Variants in OR51B5 observed in about 807,000 individuals in gnomAD.
The protein encoded by OR51B5 is olfactory receptor 51B5.
For missense variants in OR51B5, 456 were observed against 374.6 expected, an observed-to-expected ratio of 1.22 and a Z score of -1.79; for synonymous variants, 186 against 144.8, an observed-to-expected ratio of 1.28 and a Z score of -2.04.
chr11:5,340,372 T>C (rs768124384), downstream of OR51B5: 1 of 152,114 alleles, frequency 6.6e-6, no homozygotes, highest in African/African-American at 2.4e-5. Context: ...TATAATTTAC[T>C]CTAAATATTT....
At position 5,343,193 on chromosome 11, in the gene OR51B5, CCA is replaced by C. The variant is rs763380951; in HGVS notation, c.330_331del (p.Gly111HisfsTer8). 1.4e-4 allele frequency: 224 copies of C among 1,613,562 alleles called. 1 individual carries two copies. Among genetic ancestry groups the C allele is most frequent in the Non-Finnish European group, 1.8e-4 (211 of 1,179,908 alleles). ...GTCATAGGCCATGGCAAGCAGAATG[CCA>C]GACTCGAGAAAGGAAAGTGAGTGTA... On this transcript the variant is annotated frameshift_variant, in exon 1 of 1. Coordinates refer to ENST00000300773, the Ensembl canonical transcript of OR51B5. LOFTEE classifies it low-confidence loss of function (END_TRUNC).
intron 1 of OR51B5, among the ~76,000 whole-genome samples, chr11:5,356,301 A>G (rs1184712820): frequency 6.6e-6 from 1 of 152,030 alleles, no homozygotes; most frequent in Non-Finnish European, 1.5e-5. Flanking sequence ...GGAGCTGAAA[A>G]CCAAGGCATG....
intron 1 of OR51B5, among the ~76,000 whole-genome samples, chr11:5,359,874 A>T (rs1405022501): frequency 1.3e-5 from 2 of 152,192 alleles, no homozygotes; most frequent in Non-Finnish European, 2.9e-5. Flanking sequence ...GACAAACCTG[A>T]CAAAAAAAAC....
chr11:5,443,638 G>T (rs1424488023), intron 1 of OR51B5, among the ~76,000 whole-genome samples: 1 of 151,922 alleles, frequency 6.6e-6, no homozygotes, highest in Non-Finnish European at 1.5e-5. Flanking sequence ...TGCAAATTGA[G>T]GTAGTCTAGA....
chr11:5,403,099 C>A, intron 1 of OR51B5: 1 of 471,576 alleles, frequency 2.1e-6, no homozygotes, highest in Non-Finnish European at 4.4e-6. Flanking sequence ...TCTCTTATGG[C>A]GTCTGCCCTT....
intron 1 of OR51B5, among the ~76,000 whole-genome samples, chr11:5,470,090 A>T (rs1320488431): frequency 6.6e-6 from 1 of 152,186 alleles, no homozygotes; most frequent in Admixed American, 6.5e-5. Context: ...AGATTCTCAA[A>T]TTGTGCTGTA....
intron 1 of OR51B5, chr11:5,454,052 C>G: frequency 6.2e-7 from 1 of 1,614,096 alleles, no homozygotes; most frequent in Non-Finnish European, 8.5e-7. Context: ...TGAGGCTTGC[C>G]TGTGCTGATA....
At chr11:5,391,221 G>A (rs1159633025) in intron 1 of OR51B5, 26 of 152,170 alleles carry the variant, frequency 1.7e-4, no homozygotes, top group Admixed American at 1.7e-3. Context: ...CTGTCCCTAC[G>A]AGTGACTAAA....
intron 1 of OR51B5, chr11:5,352,079 C>A (rs115333544): frequency 0.062 from 100,378 of 1,613,434 alleles, 3,593 homozygotes; most frequent in South Asian, 0.1. Flanking sequence ...GCTGACATCA[C>A]CTTCAACCGT....
chr11:5,454,304 A>G, intron 1 of OR51B5: 1 of 1,614,148 alleles, frequency 6.2e-7, no homozygotes, highest in Non-Finnish European at 8.5e-7. Context: ...CATGCTACAT[A>G]CATGTCCTCA....
chr11:5,460,390 A>G (rs1048596624), intron 1 of OR51B5, among the ~76,000 whole-genome samples: 1 of 152,234 alleles, frequency 6.6e-6, no homozygotes, highest in African/African-American at 2.4e-5. Context: ...CTTGAACGTA[A>G]AAGTTTTGAA....
At chr11:5,342,839 C>G in exon 1 of OR51B5, 1 of 1,613,254 alleles carries the variant, frequency 6.2e-7, no homozygotes, top group Non-Finnish European at 8.5e-7. Context: ...CCTCTCCTCT[C>G]TGGAGGCAAT....
intron 1 of OR51B5, among the ~76,000 whole-genome samples, chr11:5,409,373 T>G (rs975115): frequency 0.81 from 123,675 of 152,158 alleles, 51,320 homozygotes; most frequent in Non-Finnish European, 0.89. Flanking sequence ...GAAAAGAACT[T>G]TGAATTAACT....
At chr11:5,452,504 C>CAAAAAAAAAAAAAAAAAAAAAA (rs56677841) in intron 1 of OR51B5, among the ~76,000 whole-genome samples, 2 of 69,188 alleles carry the variant, frequency 2.9e-5, no homozygotes, top group Non-Finnish European at 2.6e-5. Context: ...GACTCTGTCT[C>CAAAAAAAAAAAAAAAAAAAAAA]AAAAAAAAAA....
chr11:5,379,279 G>A (rs1271153214), intron 1 of OR51B5, among the ~76,000 whole-genome samples: 1 of 151,974 alleles, frequency 6.6e-6, no homozygotes, highest in Non-Finnish European at 1.5e-5. Flanking sequence ...CATGGACACA[G>A]GAAGGGGAAC....
At chr11:5,475,194 T>C (rs1851285336) in intron 1 of OR51B5, among the ~76,000 whole-genome samples, 2 of 152,170 alleles carry the variant, frequency 1.3e-5, no homozygotes, top group Admixed American at 1.3e-4. Context: ...TCTAATTCAT[T>C]CTCCATATTA....
At chr11:5,342,027 C>G (rs1352094985), downstream of OR51B5, among the ~76,000 whole-genome samples, 5 of 152,114 alleles carry the variant, frequency 3.3e-5, no homozygotes, top group Non-Finnish European at 7.3e-5. Context: ...GGAGGAGGAA[C>G]CAACTAGACT....
intron 1 of OR51B5, among the ~76,000 whole-genome samples, chr11:5,350,437 A>C (rs771975507): frequency 6.6e-6 from 1 of 152,184 alleles, no homozygotes; most frequent in Non-Finnish European, 1.5e-5. Context: ...ACCAACCATA[A>C]GAGAAGGTGG....
chr11:5,385,633 A>G (rs1849676845), intron 1 of OR51B5, among the ~76,000 whole-genome samples: 1 of 152,144 alleles, frequency 6.6e-6, no homozygotes, highest in Non-Finnish European at 1.5e-5. Flanking sequence ...GTTTTTGCCA[A>G]TATAAATTTA....
Sources: allele counts gnomAD v4.1 joint callset (sites outside exome capture counted in the v4.1 genomes callset), GRCh38; gene constraint gnomAD v4.1.1; transcripts MANE v1.5; gene names NCBI Gene and HGNC (gene_info 2026-07-23, HGNC 2026-07-21).